The following RB1 variants were observed in gnomAD, a reference collection of about 807,000 sequenced individuals.
RB1 encodes retinoblastoma-associated protein.
Under a neutral mutation model 135.4 loss-of-function variants are expected in RB1, and 18 were observed. The ratio of observed to expected loss-of-function variants is 0.13; its 90% CI spans 0.09 to 0.20. The LOEUF (loss-of-function observed/expected upper bound fraction) is 0.20, where lower values mean the gene tolerates loss of function less well. Ranked by LOEUF, RB1 falls within the 10% of genes least tolerant of loss-of-function variation. The pLI is 1.00. For synonymous variants in RB1, 365 were observed against 373.2 expected, an observed-to-expected ratio of 0.98 and a Z score of 0.25; for missense variants, 868 against 1,110.0, an observed-to-expected ratio of 0.78 and a Z score of 3.10.
At chr13:48,374,899 G>C (rs1210738475) in intron 12 of RB1, among the ~76,000 whole-genome samples, 1 of 151,758 alleles carries the variant, frequency 6.6e-6, no homozygotes, top group East Asian at 1.9e-4. Context: ...AGTGTCTATT[G>C]CTGCCATCTT....
chr13:48,456,725 A>G (rs933027217), intron 19 of RB1, among the ~76,000 whole-genome samples: 2 of 152,232 alleles, frequency 1.3e-5, no homozygotes, highest in Non-Finnish European at 2.9e-5. Context: ...AGATCTGGCC[A>G]TTGCCCACAG....
At position 48,362,863 on chromosome 13, in the gene RB1, G is replaced by A. The variant is rs770857159; in HGVS notation, c.767G>A (p.Gly256Asp). 1 of 1,613,874 alleles carries A rather than the reference G, an allele frequency of 6.2e-7. No homozygotes were observed. The highest frequency in any genetic ancestry group is 8.5e-7 in the Non-Finnish European group (1 of 1,179,880). Reference sequence around the variant, plus strand: ...GGTTCACCTCGAACACCCAGGCGAGGTCAGAACAGGAGTGCACGGATAGCA... The same window carrying A: ...GGTTCACCTCGAACACCCAGGCGAGATCAGAACAGGAGTGCACGGATAGCA... Reference protein sequence around the residue: ...INGSPRTPRRGQNRSARIAKQ... With the variant: ...INGSPRTPRRDQNRSARIAKQ... The change falls in exon 8 of 27, where the codon GGT becomes GAT. Residue 256 changes from glycine (G) to aspartate (D), a missense_variant. This residue lies in a region of RB1 where 641 missense variants were observed against 791.3 expected (regional missense o/e 0.81). Coordinates refer to ENST00000267163, the MANE Select transcript of RB1 (RefSeq NM_000321.3).
At chr13:48,344,960 A>G in intron 3 of RB1, 120 bp from the exon 4 acceptor site, 2 of 1,219,402 alleles carry the variant, frequency 1.6e-6, no homozygotes, top group Non-Finnish European at 1.1e-6. Flanking sequence ...TCCAAAGGAT[A>G]TAGTAGTGAT....
At chr13:48,332,638 A>G (rs1593428808) in intron 2 of RB1, among the ~76,000 whole-genome samples, 1 of 152,326 alleles carries the variant, frequency 6.6e-6, no homozygotes, top group East Asian at 1.9e-4. Flanking sequence ...AGCATGGTTG[A>G]TTATAGTTAA....
intron 17 of RB1, among the ~76,000 whole-genome samples, chr13:48,399,673 A>C (rs1433390658): frequency 6.6e-6 from 1 of 152,084 alleles, no homozygotes; most frequent in African/African-American, 2.4e-5. Context: ...GAGATAACTT[A>C]TAAATCAATG....
chr13:48,376,572 G>A (rs1036456153), intron 12 of RB1, among the ~76,000 whole-genome samples: 3 of 151,278 alleles, frequency 2.0e-5, no homozygotes, highest in Non-Finnish European at 2.9e-5. Context: ...TTGCTTTTTC[G>A]GAAGCAACAT....
At chr13:48,326,705 T>C (rs2138063445) in intron 2 of RB1, among the ~76,000 whole-genome samples, 1 of 152,260 alleles carries the variant, frequency 6.6e-6, no homozygotes, top group African/African-American at 2.4e-5. Context: ...TCTGAGTTAT[T>C]ACCGACTAAA....
At chr13:48,405,946 A>G (rs1008335394) in intron 17 of RB1, among the ~76,000 whole-genome samples, 2 of 152,062 alleles carry the variant, frequency 1.3e-5, no homozygotes, top group East Asian at 3.8e-4. Flanking sequence ...AAGTCATTCC[A>G]TATCAATTTA....
intron 17 of RB1, among the ~76,000 whole-genome samples, chr13:48,409,927 G>A (rs198604): frequency 0.19 from 29,426 of 151,990 alleles, 3,198 homozygotes; most frequent in South Asian, 0.26. Flanking sequence ...AAGTTTTAGT[G>A]TACTTGGTAC....
At chr13:48,403,252 T>C (rs1948709453) in intron 17 of RB1, among the ~76,000 whole-genome samples, 1 of 152,176 alleles carries the variant, frequency 6.6e-6, no homozygotes, top group African/African-American at 2.4e-5. Flanking sequence ...TTCTCATTTA[T>C]AATGAGATAA....
In RB1 at chr13:48,473,313, G is replaced by A. The variant is rs780176527; in HGVS notation, c.2490-47G>A. On this transcript the variant is annotated intron_variant, in intron 23 of 26. Transcript: ENST00000267163. The stretch of plus-strand genomic sequence containing the variant: ...TATTTATGCTCATCTCTGCAAAATT[G>A]TATATGGTTTTTTATTACTAATTGG... The A allele has an allele frequency of 7.5e-6, 11 of 1,471,270 alleles. No homozygotes were observed. In the Middle Eastern group the frequency reaches 9.8e-4, roughly 131 times the overall value. 91.1% of individuals were successfully genotyped at this position (1,471,270 alleles called of 1,614,324 possible).
At chr13:48,324,947 T>C (rs1304961183) in intron 2 of RB1, among the ~76,000 whole-genome samples, 1 of 152,174 alleles carries the variant, frequency 6.6e-6, no homozygotes, top group African/African-American at 2.4e-5. Flanking sequence ...AATTTATTTA[T>C]TCTCATTACT....
At chr13:48,437,657 A>T (rs944817549) in intron 17 of RB1, among the ~76,000 whole-genome samples, 1 of 152,074 alleles carries the variant, frequency 6.6e-6, no homozygotes, top group African/African-American at 2.4e-5. Context: ...TTGCCATGTG[A>T]GCCTCTCCGT....
chr13:48,365,616 T>C (rs4151493), intron 9 of RB1, among the ~76,000 whole-genome samples: 4,612 of 152,278 alleles, frequency 0.03, 249 homozygotes, highest in African/African-American at 0.11. Context: ...AAAACCAGTG[T>C]TTTAGAAGAC....
intron 8 of RB1, among the ~76,000 whole-genome samples, chr13:48,363,833 A>G (rs556179807): frequency 6.6e-6 from 1 of 152,294 alleles, no homozygotes; most frequent in East Asian, 1.9e-4. Context: ...CCAGGGACTG[A>G]TAGCTTATTA....
chr13:48,383,097 A>G (rs1948549300), intron 17 of RB1, among the ~76,000 whole-genome samples: 1 of 152,174 alleles, frequency 6.6e-6, no homozygotes, highest in African/African-American at 2.4e-5. Flanking sequence ...CAGTTGTTAT[A>G]TATTTGAAAA....
chr13:48,423,906 T>A (rs1023089043), intron 17 of RB1: 1 of 152,272 alleles, frequency 6.6e-6, no homozygotes, highest in Non-Finnish European at 1.5e-5. Flanking sequence ...CTGGGCAACA[T>A]AACGAGACAC....
chr13:48,396,166 C>G (rs375677101), intron 17 of RB1, among the ~76,000 whole-genome samples: 11 of 152,130 alleles, frequency 7.2e-5, no homozygotes, highest in African/African-American at 2.7e-4. Context: ...TATATAGAAC[C>G]TAAAAAGAGC....
At chr13:48,379,993 G>A (rs1593456016) in intron 14 of RB1, 60 bp from the exon 15 acceptor site, 7 of 935,922 alleles carry the variant, frequency 7.5e-6, no homozygotes, top group Non-Finnish European at 7.4e-6. Flanking sequence ...ATTCAATGCT[G>A]ACACAAATAA....
Sources: gnomAD v4.1 joint callset for allele counts (sites outside exome capture counted in the v4.1 genomes callset) on GRCh38, gnomAD v4.1.1 for gene constraint, gnomAD v4.1.1 regional missense constraint, MANE v1.5 for transcripts, NCBI Gene and HGNC (gene_info 2026-07-23, HGNC 2026-07-21) for gene names.